Variants in SCML4 observed in about 807,000 individuals in gnomAD.
SCML4 encodes the protein Scm polycomb group protein like 4, also known as sex comb on midleg-like protein 4.
In SCML4, 34 loss-of-function variants were observed where a neutral mutation model predicts 41.1. The ratio of observed to expected loss-of-function variants is 0.83; its 90% CI spans 0.63 to 1.10. SCML4 has a LOEUF of 1.10. SCML4 is among the 50% of genes least tolerant of loss of function. SCML4 has a pLI of 0.00. For synonymous variants in SCML4, 214 were observed against 220.9 expected (o/e 0.97, Z 0.28); for missense variants, 522 against 534.1 (o/e 0.98, Z 0.22).
intron 1 of SCML4, among the ~76,000 whole-genome samples, chr6:107,804,375 G>GAA (rs945506868): frequency 6.6e-6 from 1 of 152,142 alleles, no homozygotes; most frequent in Non-Finnish European, 1.5e-5. Flanking sequence ...GCCCCCTTGG[G>GAA]AAGGCAAGAT....
chr6:107,746,418 A>C (rs1778096442), intron 4 of SCML4: 2 of 430,002 alleles, frequency 4.7e-6, no homozygotes, highest in Non-Finnish European at 4.1e-6. Context: ...GGAGAAAAAA[A>C]AGCAAAAACC....
the SCML4 span, among the ~76,000 whole-genome samples, chr6:107,834,202 G>A: frequency 3.3e-5 from 5 of 152,086 alleles, no homozygotes; most frequent in Non-Finnish European, 7.4e-5. Flanking sequence ...GAAGTCCCAG[G>A]AATCCCCAAA....
chr6:107,747,768 G>A (rs989454854), intron 3 of SCML4, among the ~76,000 whole-genome samples: 100 of 152,138 alleles, frequency 6.6e-4, no homozygotes, highest in Admixed American at 3.2e-3. Flanking sequence ...GGAAGATTTT[G>A]TACAGAGAAG....
chr6:107,739,744 T>C (rs1056999724), intron 5 of SCML4, among the ~76,000 whole-genome samples: 14 of 152,176 alleles, frequency 9.2e-5, no homozygotes, highest in African/African-American at 3.4e-4. Context: ...TCCTCTAACA[T>C]ACTGGTAACT....
intron 5 of SCML4, among the ~76,000 whole-genome samples, chr6:107,725,418 T>C (rs1419523420): frequency 6.6e-6 from 1 of 152,160 alleles, no homozygotes; most frequent in East Asian, 1.9e-4. Flanking sequence ...TTTGAATAGG[T>C]ATACAGATCA....
chr6:107,755,784 A>G (rs371827404), intron 2 of SCML4: 13 of 303,344 alleles, frequency 4.3e-5, no homozygotes, highest in African/African-American at 2.3e-4. Context: ...CCTTGCAGAC[A>G]TGGCTGATTT....
intron 1 of SCML4, among the ~76,000 whole-genome samples, chr6:107,820,957 T>C (rs1230748770): frequency 3.9e-5 from 6 of 152,230 alleles, no homozygotes; most frequent in Non-Finnish European, 7.3e-5. Context: ...GTGATCCTAA[T>C]GGTCTGTGGA....
chr6:107,831,955 C>T, the SCML4 span, among the ~76,000 whole-genome samples: 1 of 151,570 alleles, frequency 6.6e-6, no homozygotes, highest in Non-Finnish European at 1.5e-5. Flanking sequence ...CCTAGCTACT[C>T]GGGAGGCTGA....
intron 1 of SCML4, among the ~76,000 whole-genome samples, chr6:107,794,645 C>T (rs1782580396): frequency 6.6e-6 from 1 of 151,904 alleles, no homozygotes; most frequent in Non-Finnish European, 1.5e-5. Flanking sequence ...TCAAATCTAC[C>T]TGAGTGTGCG....
intron 6 of SCML4, among the ~76,000 whole-genome samples, chr6:107,709,178 C>T (rs1310318431): frequency 6.6e-6 from 1 of 152,168 alleles, no homozygotes; most frequent in Non-Finnish European, 1.5e-5. Context: ...CCCAATGGGT[C>T]TCCCTTACCA....
At chr6:107,714,061 AT>A (rs1774505722) in intron 6 of SCML4, among the ~76,000 whole-genome samples, 2 of 152,128 alleles carry the variant, frequency 1.3e-5, no homozygotes, top group African/African-American at 4.8e-5. Flanking sequence ...ATAGGCAAGC[AT>A]CACTCACTCT....
At chr6:107,785,974 G>T (rs1035883598) in intron 1 of SCML4, among the ~76,000 whole-genome samples, 7 of 146,096 alleles carry the variant, frequency 4.8e-5, no homozygotes, top group Admixed American at 2.7e-4. Context: ...GCCTTGGGGT[G>T]CTCCCATTTT....
intron 2 of SCML4, among the ~76,000 whole-genome samples, chr6:107,756,216 A>C (rs1039422455): frequency 6.6e-6 from 1 of 152,194 alleles, no homozygotes; most frequent in African/African-American, 2.4e-5. Context: ...TGAAGGGGAA[A>C]TATAACTTTA....
chr6:107,817,620 C>CAAAAAAAAAAAAAAAAAAAA (rs35621962), intron 1 of SCML4, among the ~76,000 whole-genome samples: 1 of 46,002 alleles, frequency 2.2e-5, no homozygotes, highest in African/African-American at 1.4e-4. Flanking sequence ...GACTTCATCT[C>CAAAAAAAAAAAAAAAAAAAA]AAAAAAAAAA....
intron 2 of SCML4, among the ~76,000 whole-genome samples, chr6:107,769,983 G>T (rs1192917768): frequency 6.6e-6 from 1 of 151,830 alleles, no homozygotes; most frequent in South Asian, 2.1e-4. Flanking sequence ...CTTGGTCAGG[G>T]TTTTTTTTAA....
At chr6:107,792,459 T>C (rs1348011254) in intron 1 of SCML4, among the ~76,000 whole-genome samples, 1 of 152,082 alleles carries the variant, frequency 6.6e-6, no homozygotes, top group Non-Finnish European at 1.5e-5. Context: ...GGGCCGGGCG[T>C]TGTGGTTCAC....
Position 107,813,370 on chromosome 6 carries a change from TTATATATATATA to T in SCML4, c.-60+10744_-60+10755del, listed in dbSNP as rs543060112. On this transcript the variant is annotated intron_variant, in intron 1 of 7. Transcript: ENST00000369020. Reference sequence around the variant, plus strand: ...AGAGTGAGACGCCATCTCAAAAAAATTATATATATATATATATATATATATATATATATATAT... The same window carrying T: ...AGAGTGAGACGCCATCTCAAAAAAATTATATATATATATATATATATATAT... 3.9e-3 allele frequency among the ~76,000 whole-genome samples: 165 copies of T among 42,416 alleles called. 3 individuals carry two copies. Among genetic ancestry groups the T allele is most frequent in the African/African-American group, 0.017 (125 of 7,300 alleles). 27.8% of individuals were successfully genotyped at this position (42,416 alleles called of 152,430 possible). A position where few individuals can be genotyped will look rare whatever the true frequency, so the allele number is the denominator to read the frequency against.
At chr6:107,779,661 T>C (rs1781329557) in intron 1 of SCML4, among the ~76,000 whole-genome samples, 1 of 152,198 alleles carries the variant, frequency 6.6e-6, no homozygotes, top group African/African-American at 2.4e-5. Flanking sequence ...CTATCTTCTC[T>C]TGTTCTGGGA....
intron 1 of SCML4, among the ~76,000 whole-genome samples, chr6:107,787,381 C>G (rs1194313804): frequency 2.0e-5 from 3 of 152,072 alleles, no homozygotes; most frequent in Non-Finnish European, 4.4e-5. Flanking sequence ...GCTAAGGAGG[C>G]AGCAGCTGCG....
Sources: gnomAD v4.1 joint callset for allele counts (sites outside exome capture counted in the v4.1 genomes callset) on GRCh38, gnomAD v4.1.1 for gene constraint, MANE v1.5 for transcripts, NCBI Gene and HGNC (gene_info 2026-07-23, HGNC 2026-07-21) for gene names.